The following CYFIP2 variants were observed in gnomAD, a reference collection of about 807,000 sequenced individuals.
CYFIP2 encodes cytoplasmic FMR1 interacting protein 2, also known as cytoplasmic FMR1-interacting protein 2.
A neutral mutation model predicts 158.7 loss-of-function variants in CYFIP2; 29 were observed. The observed-to-expected ratio is 0.18, with a 90% CI of 0.14 to 0.25. The LOEUF (loss-of-function observed/expected upper bound fraction) is 0.25, where lower values mean the gene tolerates loss of function less well. Among genes scored for constraint, CYFIP2 ranks in the 10% least tolerant of loss-of-function variants. CYFIP2 has a pLI of 1.00. For synonymous variants in CYFIP2, 585 were observed against 617.6 expected, an observed-to-expected ratio of 0.95 and a Z score of 0.78; for missense variants, 852 against 1,639.5, an observed-to-expected ratio of 0.52 and a Z score of 8.29.
chr5:157,271,115 G>A (rs2241417), intron 1 of CYFIP2, among the ~76,000 whole-genome samples: 63,396 of 152,034 alleles, frequency 0.42, 13,340 homozygotes, highest in East Asian at 0.57. Flanking sequence ...GCATGTCTTC[G>A]TGTGGGCCAT....
chr5:157,289,568 T>C (rs1363272238), intron 3 of CYFIP2, among the ~76,000 whole-genome samples: 1 of 152,234 alleles, frequency 6.6e-6, no homozygotes, highest in African/African-American at 2.4e-5. Context: ...TCACATGGTC[T>C]CTTCTCTGTG....
intron 1 of CYFIP2, among the ~76,000 whole-genome samples, chr5:157,279,136 A>C (rs968206260): frequency 2.6e-5 from 4 of 152,220 alleles, no homozygotes; most frequent in African/African-American, 9.6e-5. Context: ...TTTGCTGGCT[A>C]CTGTGTTAAG....
rs537838265 is a variant in CYFIP2 at position 157,322,198 on chromosome 5, C to T, written c.1671+1396C>T. On this transcript the variant is annotated intron_variant, in intron 15 of 30. Coordinates refer to ENST00000620254, the MANE Select transcript of CYFIP2 (RefSeq NM_001037333.3). ...TATTAGAGAAACCTAGGCCCTCCCCCTCTCTTGCGGATGGGGAAACTGAGG... is the reference window on the plus strand; with the variant it reads ...TATTAGAGAAACCTAGGCCCTCCCCTTCTCTTGCGGATGGGGAAACTGAGG... Among the ~76,000 whole-genome samples, 132 of 152,306 alleles carry T rather than the reference C, an allele frequency of 8.7e-4. 1 individual carries two copies. Among genetic ancestry groups the T allele is most frequent in the African/African-American group, 2.9e-3 (121 of 41,566 alleles).
rs151268588 is a variant in CYFIP2 at position 157,314,327 on chromosome 5, C to T, written c.1111-17C>T. On this transcript the variant is annotated splice_polypyrimidine_tract_variant and intron_variant, in intron 11 of 30. Transcript: ENST00000620254. The stretch of plus-strand genomic sequence containing the variant: ...TCAGGCACATAGACCATGAGTATGA[C>T]ACCTGATGCTCCCCAGGTGGTGACG... 1.9e-6 allele frequency: 3 copies of T among 1,612,196 alleles called. No individual in the cohort carries two copies. Among genetic ancestry groups the T allele is most frequent in the South Asian group, 2.2e-5 (2 of 90,816 alleles).
intron 19 of CYFIP2, among the ~76,000 whole-genome samples, chr5:157,329,323 C>A (rs374193923): frequency 4.5e-4 from 68 of 152,348 alleles, no homozygotes; most frequent in African/African-American, 1.5e-3. Flanking sequence ...AATTCTGATT[C>A]CAAATACACT....
chr5:157,344,638 CT>C (rs963269696), intron 23 of CYFIP2, among the ~76,000 whole-genome samples: 1 of 152,180 alleles, frequency 6.6e-6, no homozygotes, highest in African/African-American at 2.4e-5. Context: ...CTGATTGCCC[CT>C]GATCAGAAAT....
At position 157,343,515 on chromosome 5, in the gene CYFIP2, T is replaced by C. The variant is rs773024800; in HGVS notation, c.2673+2358T>C. 5 of 1,575,752 alleles carry C rather than the reference T, an allele frequency of 3.2e-6. No homozygotes were observed. Among genetic ancestry groups the C allele is most frequent in the Non-Finnish European group, 4.3e-6 (5 of 1,156,248 alleles). On this transcript the variant is annotated intron_variant, in intron 23 of 30. Coordinates refer to ENST00000620254, the MANE Select transcript of CYFIP2 (RefSeq NM_001037333.3). ...GAGATGATGGCTCCTGTATAAGAAA[T>C]GTTCCCCACCTCGATGTTCATCCCG...
rs561367637 is a variant in CYFIP2, at chr5:157,327,429, G to A, written c.2080-544G>A. ...AAAATACAAAAATTAGCCAGGCATG[G>A]TGGTGGGTGCCTGTAATCCCAGCTA... is the stretch of plus-strand genomic sequence containing the variant. On this transcript the variant is annotated intron_variant, in intron 18 of 30. Coordinates refer to ENST00000620254, the MANE Select transcript of CYFIP2 (RefSeq NM_001037333.3). Among the ~76,000 whole-genome samples, 313 of 152,182 alleles carry A rather than the reference G, an allele frequency of 2.1e-3. 1 individual carries two copies. The highest frequency in any genetic ancestry group is 6.9e-3 in the African/African-American group (286 of 41,508).
intron 21 of CYFIP2, among the ~76,000 whole-genome samples, chr5:157,336,708 C>A (rs1361155204): frequency 6.6e-6 from 1 of 152,228 alleles, no homozygotes; most frequent in East Asian, 1.9e-4. Context: ...TTCTGTTTCT[C>A]TGTGTTGCCC....
Position 157,300,740 on chromosome 5 carries a change from G to A in CYFIP2, c.413G>A (p.Ser138Asn), listed in dbSNP as rs1280157801. ...CGCAAGGCCATCGAGCGGTTCTGCAGCGAGGTGAAGCGGCTGTGCCATGCC... is the reference window on the plus strand; with the variant it reads ...CGCAAGGCCATCGAGCGGTTCTGCAACGAGGTGAAGCGGCTGTGCCATGCC... ...FQRKAIERFCSEVKRLCHAER... is the reference protein window; with the variant it reads ...FQRKAIERFCNEVKRLCHAER... The change falls in exon 6 of 31, where the codon AGC becomes AAC. Residue 138 changes from serine (S) to asparagine (N), a missense_variant. By Grantham distance (46) the Ser-to-Asn change is conservative. Transcript: ENST00000620254. The A allele has an allele frequency of 5.0e-6, 8 of 1,608,640 alleles. No homozygotes were observed. The highest frequency in any genetic ancestry group is 4.4e-5 in the South Asian group (4 of 90,382).
intron 5 of CYFIP2, among the ~76,000 whole-genome samples, chr5:157,298,763 T>C (rs1181665771): frequency 6.6e-6 from 1 of 152,216 alleles, no homozygotes; most frequent in East Asian, 1.9e-4. Flanking sequence ...TAAGCTACTT[T>C]ATGCTGCCAT....
chr5:157,307,806 A>G lies in CYFIP2; in HGVS notation c.841A>G (p.Ile281Val). Residue 281 changes from isoleucine (I) to valine (V), a missense_variant, in exon 9 of 31, where the codon ATT (isoleucine) becomes GTT (valine). Around this residue, in one of 8 missense-constraint regions of CYFIP2, gnomAD observed 133 missense variants for 197.1 expected, o/e 0.67. Coordinates refer to ENST00000620254, the MANE Select transcript of CYFIP2 (RefSeq NM_001037333.3). ...LYLMDGNVSN[I>V]YKLDAKKRIN... Reference sequence around the variant, plus strand: ...CCTAATGGATGGAAATGTCAGTAACATTTACAAACTGGATGCCAAGAAGAG... The same window carrying G: ...CCTAATGGATGGAAATGTCAGTAACGTTTACAAACTGGATGCCAAGAAGAG... 3 of 1,612,270 alleles carry G rather than the reference A, an allele frequency of 1.9e-6. No individual in the cohort carries two copies. The highest frequency in any genetic ancestry group is 2.5e-6 in the Non-Finnish European group (3 of 1,179,060).
chr5:157,324,707 C>G (rs1265863183), intron 16 of CYFIP2: 1 of 151,898 alleles, frequency 6.6e-6, no homozygotes, highest in Non-Finnish European at 1.5e-5. Context: ...TGAAAGTGGG[C>G]ACTCGGGGGC....
chr5:157,390,472 C>T (rs1581213440), intron 29 of CYFIP2, 49 bp from the exon 30 acceptor site: 1 of 1,435,142 alleles, frequency 7.0e-7, no homozygotes, highest in Non-Finnish European at 9.5e-7. Flanking sequence ...CCCTCCCTGC[C>T]CTCCTCCCCC....
intron 21 of CYFIP2, among the ~76,000 whole-genome samples, chr5:157,337,173 A>G (rs1435775227): frequency 6.6e-6 from 1 of 152,202 alleles, no homozygotes; most frequent in African/African-American, 2.4e-5. Flanking sequence ...GAATCAGAAT[A>G]AAGACATATT....
chr5:157,299,553 A>G (rs987492778), intron 5 of CYFIP2, among the ~76,000 whole-genome samples: 4 of 151,982 alleles, frequency 2.6e-5, no homozygotes, highest in African/African-American at 9.7e-5. Flanking sequence ...TTTCCATAGC[A>G]CATACCACAT....
Position 157,315,028 on chromosome 5 carries a change from C to T in CYFIP2, c.1290C>T (p.Thr430=), listed in dbSNP as rs746132709. The change falls in exon 13 of 31, where the codon ACC becomes ACT. Residue 430 remains threonine (T), a synonymous_variant. Transcript: ENST00000620254. The stretch of plus-strand genomic sequence containing the variant: ...TCTGCAACAAGGACTGTCCTGGCAC[C>T]GCGGAGGAATATGAGAGAGCCACAC... ...DKFCNKDCPG[T]AEEYERATRY... 3.5e-5 allele frequency: 57 copies of T among 1,609,456 alleles called. No homozygotes were observed. The highest frequency in any genetic ancestry group is 1.6e-4 in the Middle Eastern group (1 of 6,084).
At chr5:157,389,157 G>C in intron 28 of CYFIP2, 32 bp from the exon 29 acceptor site, 3 of 1,561,896 alleles carry the variant, frequency 1.9e-6, no homozygotes, top group Non-Finnish European at 2.6e-6. Flanking sequence ...CTAAGATGTG[G>C]ATAGAAGGTG....
At position 157,285,357 on chromosome 5, in the gene CYFIP2, C is replaced by T; in HGVS notation, c.-5C>T. ...CCTTCAGTGCAGAATACAGAAACTG[C>T]AGCCATGACCACGCACGTCACCCTG... is the stretch of plus-strand genomic sequence containing the variant. On this transcript the variant is annotated 5_prime_UTR_variant, in exon 2 of 31. Coordinates refer to ENST00000620254, the MANE Select transcript of CYFIP2 (RefSeq NM_001037333.3). The T allele has an allele frequency of 6.4e-7, 1 of 1,559,390 alleles. No individual in the cohort carries two copies. Among genetic ancestry groups the T allele is most frequent in the Non-Finnish European group, 8.7e-7 (1 of 1,151,284 alleles).
Sources: allele counts gnomAD v4.1 joint callset (sites outside exome capture counted in the v4.1 genomes callset), GRCh38; gene constraint gnomAD v4.1.1; regional missense constraint gnomAD v4.1.1; transcripts MANE v1.5; gene names NCBI Gene and HGNC (gene_info 2026-07-23, HGNC 2026-07-21).